The following TMEM150C variants were observed in gnomAD, a reference collection of about 807,000 sequenced individuals.
The protein encoded by TMEM150C is tentonin 3.
In TMEM150C, 10 loss-of-function variants were observed where a neutral mutation model predicts 29.9. The observed-to-expected ratio is 0.33, with a 90% CI of 0.21 to 0.57. The LOEUF is 0.57. Ranked by LOEUF, TMEM150C falls within the 20% of genes least tolerant of loss-of-function variation. The pLI, the probability that TMEM150C is intolerant of heterozygous loss-of-function variation, is 0.88. For synonymous variants in TMEM150C, 101 were observed against 112.5 expected (o/e 0.90, Z 0.64); for missense variants, 251 against 303.6 (o/e 0.83, Z 1.29).
chr4:82,499,584 G>A (rs983903467), intron 5 of TMEM150C, among the ~76,000 whole-genome samples: 6 of 151,998 alleles, frequency 3.9e-5, no homozygotes, highest in African/African-American at 4.8e-5. Context: ...TTAGCCAGGC[G>A]TGGTGGCACA....
Position 82,506,083 on chromosome 4 carries a change from GT to G in TMEM150C, c.-10-1417del, listed in dbSNP as rs560158984. Among the ~76,000 whole-genome samples the G allele has an allele frequency of 4.7e-3, 695 of 148,010 alleles. 5 individuals carry two copies. Among genetic ancestry groups the G allele is most frequent in the African/African-American group, 0.016 (662 of 40,134 alleles). ...AGTTTTACAATTAAAACAAGTTGTT[GT>G]TTTTTTTTTACAATTTTTTACAATT... On this transcript the variant is annotated intron_variant, in intron 1 of 7. Coordinates refer to ENST00000449862, the MANE Select transcript of TMEM150C (RefSeq NM_001080506.3).
intron 1 of TMEM150C, among the ~76,000 whole-genome samples, chr4:82,546,560 G>C (rs1725391912): frequency 6.6e-6 from 1 of 152,170 alleles, no homozygotes; most frequent in Non-Finnish European, 1.5e-5. Flanking sequence ...CGGGCGTGGT[G>C]GCTCACGTCT....
intron 1 of TMEM150C, among the ~76,000 whole-genome samples, chr4:82,512,796 T>C (rs114985023): frequency 0.011 from 1,648 of 152,296 alleles, 10 homozygotes; most frequent in Non-Finnish European, 0.017. Context: ...TTTTGTTATA[T>C]ATATTTCACC....
intron 1 of TMEM150C, among the ~76,000 whole-genome samples, chr4:82,556,340 G>A (rs925396744): frequency 5.3e-5 from 8 of 152,210 alleles, no homozygotes; most frequent in African/African-American, 1.9e-4. Context: ...TATACATGGA[G>A]GAGCCAAAGT....
chr4:82,491,332 G>C, intron 6 of TMEM150C: 1 of 657,682 alleles, frequency 1.5e-6, no homozygotes, highest in Non-Finnish European at 2.7e-6. Context: ...CTGTGGGCTA[G>C]CTTAAGCAGC....
In TMEM150C at chr4:82,492,864, G is replaced by GTGTATA. The variant is rs71666742; in HGVS notation, c.364-2627_364-2626insTATACA. On this transcript the variant is annotated intron_variant, in intron 6 of 7. Transcript: ENST00000449862. Reference sequence around the variant, plus strand: ...CATCAAACCTAGCGTATATGTTTGTGTATATATATATATATATATATATAT... The same window carrying GTGTATA: ...CATCAAACCTAGCGTATATGTTTGTGTGTATATATATATATATATATATATATATAT... Among the ~76,000 whole-genome samples the GTGTATA allele has an allele frequency of 7.1e-4, 64 of 90,268 alleles. No homozygotes were observed. The East Asian group carries it at 7.9e-3, about 11-fold the overall frequency. The allele number at this position is 90,268 out of a possible 152,430, so 59.2% of individuals were successfully genotyped here. A position where few individuals can be genotyped will look rare whatever the true frequency, so the allele number is the denominator to read the frequency against.
At chr4:82,499,151 A>T (rs537213842) in intron 5 of TMEM150C, among the ~76,000 whole-genome samples, 5 of 152,260 alleles carry the variant, frequency 3.3e-5, no homozygotes, top group African/African-American at 1.2e-4. Context: ...GCAGATTTGG[A>T]CTGTTATGAA....
At chr4:82,498,393 G>A (rs1265007586) in intron 5 of TMEM150C, among the ~76,000 whole-genome samples, 3 of 152,108 alleles carry the variant, frequency 2.0e-5, no homozygotes, top group Non-Finnish European at 2.9e-5. Flanking sequence ...GGGTTTAAGC[G>A]ATTCTCCTGC....
chr4:82,486,450 G>A (rs1007643272), intron 7 of TMEM150C, among the ~76,000 whole-genome samples: 9 of 150,538 alleles, frequency 6.0e-5, no homozygotes, highest in African/African-American at 2.2e-4. Context: ...ACTAACTGCC[G>A]ACATGTAAGT....
intron 1 of TMEM150C, among the ~76,000 whole-genome samples, chr4:82,554,486 T>TTTTAGCTAC (rs1446756909): frequency 3.9e-5 from 6 of 152,198 alleles, no homozygotes; most frequent in Non-Finnish European, 4.4e-5. Context: ...GTTTAAAAAA[T>TTTTAGCTAC]ATATGTTAAT....
chr4:82,512,529 C>T (rs1253317647), intron 1 of TMEM150C, among the ~76,000 whole-genome samples: 2 of 152,178 alleles, frequency 1.3e-5, no homozygotes, highest in African/African-American at 4.8e-5. Context: ...ATAAGTGTGG[C>T]CCTGTGAGTA....
intron 1 of TMEM150C, among the ~76,000 whole-genome samples, chr4:82,509,099 T>C (rs1724033745): frequency 6.6e-6 from 1 of 152,246 alleles, no homozygotes. Context: ...TGTCGCATGT[T>C]CTTTTCTTCC....
chr4:82,523,724 C>T (rs1724563104), intron 1 of TMEM150C, among the ~76,000 whole-genome samples: 4 of 151,310 alleles, frequency 2.6e-5, no homozygotes, highest in Admixed American at 6.6e-5. Flanking sequence ...ATAACTCAGG[C>T]TGGAGTACAG....
At chr4:82,515,346 AC>A (rs1346246899) in intron 1 of TMEM150C, among the ~76,000 whole-genome samples, 1 of 152,210 alleles carries the variant, frequency 6.6e-6, no homozygotes, top group Non-Finnish European at 1.5e-5. Context: ...TCAGCACAGC[AC>A]CCTGAGAAGT....
At chr4:82,514,593 G>A (rs377000698) in intron 1 of TMEM150C, among the ~76,000 whole-genome samples, 3 of 152,006 alleles carry the variant, frequency 2.0e-5, no homozygotes, top group African/African-American at 7.2e-5. Context: ...CAGAGGCACT[G>A]ACTCCAGCAA....
At chr4:82,493,767 T>G (rs1288998542) in intron 6 of TMEM150C, among the ~76,000 whole-genome samples, 1 of 152,200 alleles carries the variant, frequency 6.6e-6, no homozygotes, top group Non-Finnish European at 1.5e-5. Flanking sequence ...AAATGCCCCA[T>G]GCCTTACATT....
chr4:82,495,519 T>A, intron 6 of TMEM150C: 2 of 369,818 alleles, frequency 5.4e-6, no homozygotes, highest in East Asian at 7.1e-5. Flanking sequence ...TCAGTCCAGG[T>A]ATAGCCTTCT....
chr4:82,525,441 T>C (rs1403292348), intron 1 of TMEM150C, among the ~76,000 whole-genome samples: 1 of 152,186 alleles, frequency 6.6e-6, no homozygotes, highest in African/African-American at 2.4e-5. Context: ...GAAAATCTAA[T>C]TAACGATGGG....
At chr4:82,507,509 G>C (rs2110071609) in intron 1 of TMEM150C, among the ~76,000 whole-genome samples, 1 of 151,046 alleles carries the variant, frequency 6.6e-6, no homozygotes, top group South Asian at 2.2e-4. Context: ...AGCTTATATT[G>C]TGACTAAAGA....
Sources: gnomAD v4.1 joint callset for allele counts (sites outside exome capture counted in the v4.1 genomes callset) on GRCh38, gnomAD v4.1.1 for gene constraint, MANE v1.5 for transcripts, NCBI Gene and HGNC (gene_info 2026-07-23, HGNC 2026-07-21) for gene names.